The following LRRTM4 variants were observed in gnomAD, a reference collection of about 807,000 sequenced individuals.
LRRTM4 encodes leucine rich repeat transmembrane neuronal 4.
Under a neutral mutation model 47.6 loss-of-function variants are expected in LRRTM4, and 25 were observed. The observed-to-expected ratio is 0.53, with a 90% confidence interval of 0.38 to 0.73. The LOEUF is 0.73. Ranked by LOEUF, LRRTM4 falls within the 30% of genes least tolerant of loss-of-function variation. LRRTM4 has a pLI of 0.00. For missense variants in LRRTM4, 638 were observed against 713.4 expected (o/e 0.89, Z 1.20); for synonymous variants, 311 against 269.5 (o/e 1.15, Z -1.51).
intron 3 of LRRTM4, among the ~76,000 whole-genome samples, chr2:77,138,286 T>A (rs1231853732): frequency 6.6e-6 from 1 of 152,148 alleles, no homozygotes; most frequent in Non-Finnish European, 1.5e-5. Context: ...CAGACCACAG[T>A]GCAATCAAAC....
chr2:76,946,745 G>A (rs967621897), intron 3 of LRRTM4, among the ~76,000 whole-genome samples: 7 of 151,848 alleles, frequency 4.6e-5, no homozygotes, highest in African/African-American at 1.7e-4. Flanking sequence ...CATACTTAGA[G>A]TAAGAATTTG....
intron 3 of LRRTM4, among the ~76,000 whole-genome samples, chr2:77,272,742 T>A (rs1676238865): frequency 6.6e-6 from 1 of 152,112 alleles, no homozygotes; most frequent in African/African-American, 2.4e-5. Flanking sequence ...TTTGATCCCA[T>A]GAGAGCTGGT....
chr2:76,913,303 C>T (rs1300880247), intron 3 of LRRTM4, among the ~76,000 whole-genome samples: 1 of 150,930 alleles, frequency 6.6e-6, no homozygotes, highest in Admixed American at 6.6e-5. Flanking sequence ...AAGCTTATTA[C>T]TGGGTATTTT....
intron 3 of LRRTM4, among the ~76,000 whole-genome samples, chr2:76,903,179 G>A (rs1191097973): frequency 6.6e-6 from 1 of 151,928 alleles, no homozygotes; most frequent in Non-Finnish European, 1.5e-5. Context: ...AGATCATCCT[G>A]GCTAACACAG....
chr2:76,918,055 G>T (rs962154063), intron 3 of LRRTM4, among the ~76,000 whole-genome samples: 1 of 152,100 alleles, frequency 6.6e-6, no homozygotes, highest in African/African-American at 2.4e-5. Flanking sequence ...GACACCATTT[G>T]ATATTTTAAG....
chr2:77,459,651 T>G (rs1558753570), intron 3 of LRRTM4, among the ~76,000 whole-genome samples: 1 of 151,664 alleles, frequency 6.6e-6, no homozygotes, highest in Non-Finnish European at 1.5e-5. Flanking sequence ...CAAGCCCAGG[T>G]GAAGCCCCTG....
At chr2:77,309,760 T>A (rs1363772509) in intron 3 of LRRTM4, among the ~76,000 whole-genome samples, 5 of 152,168 alleles carry the variant, frequency 3.3e-5, no homozygotes, top group Middle Eastern at 3.4e-3. Flanking sequence ...GCACGAGAAA[T>A]ATCTCACCAC....
intron 3 of LRRTM4, among the ~76,000 whole-genome samples, chr2:77,228,317 C>G (rs1490467791): frequency 6.6e-6 from 1 of 152,126 alleles, no homozygotes; most frequent in Non-Finnish European, 1.5e-5. Context: ...CTCATCCCTT[C>G]TCTCTTGAAT....
At chr2:76,800,211 G>GTCTAACTTCAAACTATACTACAA (rs1675587547) in intron 3 of LRRTM4, among the ~76,000 whole-genome samples, 1 of 146,804 alleles carries the variant, frequency 6.8e-6, no homozygotes, top group Non-Finnish European at 1.5e-5. Flanking sequence ...TATACTACAA[G>GTCTAACTTCAAACTATACTACAA]GCGACAGTGA....
chr2:77,305,061 C>T (rs1330342697), intron 3 of LRRTM4, among the ~76,000 whole-genome samples: 16 of 152,026 alleles, frequency 1.1e-4, no homozygotes, highest in Non-Finnish European at 2.9e-5. Flanking sequence ...GAAAAAGAAA[C>T]ATTTTAATGC....
intron 3 of LRRTM4, among the ~76,000 whole-genome samples, chr2:77,440,271 G>A (rs1415853456): frequency 2.6e-5 from 4 of 152,034 alleles, no homozygotes; most frequent in East Asian, 3.9e-4. Context: ...AAAATTAGCC[G>A]GGCGTGGTGG....
At chr2:76,803,527 A>G (rs912420490) in intron 3 of LRRTM4, among the ~76,000 whole-genome samples, 1 of 152,194 alleles carries the variant, frequency 6.6e-6, no homozygotes, top group Non-Finnish European at 1.5e-5. Context: ...CAATGTGTAA[A>G]AGGATATAGA....
At position 77,518,511 on chromosome 2, in the gene LRRTM4, C is replaced by T. The variant is rs1386625880; in HGVS notation, c.1358G>A (p.Ser453Asn). The stretch of plus-strand genomic sequence containing the variant: ...AGAGTGTTGCTGGAGTTGTTTCATG[C>T]TGGCTGGGTAGCGTTTCCAAGACAC... ...IYVSWKRYPA[S>N]MKQLQQHSLM... The change falls in exon 3 of 4, where the codon AGC becomes AAC. Residue 453 changes from serine (S) to asparagine (N), a missense_variant. Physicochemically the swap from Ser to Asn is conservative, Grantham distance 46. Transcript: ENST00000409884. 2 of 1,613,292 alleles carry T rather than the reference C, an allele frequency of 1.2e-6. No individual in the cohort carries two copies. The highest frequency in any genetic ancestry group is 1.7e-6 in the Non-Finnish European group (2 of 1,179,644).
At chr2:77,138,674 G>T (rs1178726496) in intron 3 of LRRTM4, among the ~76,000 whole-genome samples, 1 of 152,040 alleles carries the variant, frequency 6.6e-6, no homozygotes, top group Non-Finnish European at 1.5e-5. Flanking sequence ...AAAAATCAAT[G>T]AATCAATGAG....
At chr2:76,759,547 G>A (rs370088347) in intron 3 of LRRTM4, among the ~76,000 whole-genome samples, 4 of 152,090 alleles carry the variant, frequency 2.6e-5, no homozygotes, top group African/African-American at 9.7e-5. Context: ...CTCAAGGCCT[G>A]GGAGAACTTT....
intron 3 of LRRTM4, among the ~76,000 whole-genome samples, chr2:77,434,576 A>G (rs1017354415): frequency 2.0e-5 from 3 of 152,212 alleles, no homozygotes; most frequent in Admixed American, 6.5e-5. Flanking sequence ...TTTACACACC[A>G]CAATTGATAC....
chr2:77,309,248 G>A (rs929092191), intron 3 of LRRTM4, among the ~76,000 whole-genome samples: 9 of 152,094 alleles, frequency 5.9e-5, no homozygotes, highest in African/African-American at 2.2e-4. Context: ...AAATGGACAG[G>A]TCTTTCAGGA....
chr2:77,437,994 T>C (rs1440871986), intron 3 of LRRTM4, among the ~76,000 whole-genome samples: 2 of 152,182 alleles, frequency 1.3e-5, no homozygotes, highest in African/African-American at 4.8e-5. Flanking sequence ...TTGTAACGGG[T>C]ATCACAATTA....
At position 77,472,430 on chromosome 2, in the gene LRRTM4, G is replaced by A. The variant is rs1439575380; in HGVS notation, c.1551+45888C>T. Among the ~76,000 whole-genome samples the A allele has an allele frequency of 2.6e-5, 4 of 152,052 alleles. No homozygotes were observed. The South Asian group carries it at 6.2e-4, about 24-fold the overall frequency. ...CAGGAACGTACCCTGTATTTACACTGGGACCAATGGGATAGGATGTGCTAA... is the reference window on the plus strand; with the variant it reads ...CAGGAACGTACCCTGTATTTACACTAGGACCAATGGGATAGGATGTGCTAA... On this transcript the variant is annotated intron_variant, in intron 3 of 3. Transcript: ENST00000409884.
Sources: allele counts gnomAD v4.1 joint callset (sites outside exome capture counted in the v4.1 genomes callset), GRCh38; gene constraint gnomAD v4.1.1; transcripts MANE v1.5; gene names NCBI Gene and HGNC (gene_info 2026-07-23, HGNC 2026-07-21).